The following FECH variants were observed in gnomAD, a reference collection of about 807,000 sequenced individuals.
The protein encoded by FECH is ferrochelatase, mitochondrial.
Under a neutral mutation model 56.9 loss-of-function variants are expected in FECH, and 40 were observed. The observed-to-expected ratio is 0.70, with a 90% CI of 0.55 to 0.92. The LOEUF (loss-of-function observed/expected upper bound fraction) is 0.92, where lower values mean the gene tolerates loss of function less well. Ranked by LOEUF, FECH falls within the 40% of genes least tolerant of loss-of-function variation. FECH has a pLI of 0.00. For synonymous variants in FECH, 175 were observed against 198.6 expected, an observed-to-expected ratio of 0.88 and a Z score of 1.00; for missense variants, 431 against 529.1, an observed-to-expected ratio of 0.81 and a Z score of 1.82.
intron 7 of FECH, 146 bp downstream of exon 7, chr18:57,558,999 C>A (rs1055203219): frequency 7.4e-6 from 5 of 680,260 alleles, no homozygotes; most frequent in South Asian, 1.5e-5. Context: ...AGAAGTGAGG[C>A]TAGTTAGCAC....
intron 1 of FECH, among the ~76,000 whole-genome samples, chr18:57,581,738 T>C (rs1251362022): frequency 6.6e-6 from 1 of 152,224 alleles, no homozygotes; most frequent in Non-Finnish European, 1.5e-5. Context: ...TTCTGCAGTG[T>C]CCACCATGTG....
chr18:57,568,566 A>T (rs2051049119), intron 4 of FECH, among the ~76,000 whole-genome samples: 1 of 152,148 alleles, frequency 6.6e-6, no homozygotes, highest in African/African-American at 2.4e-5. Flanking sequence ...GGATGCAGGG[A>T]TGAGAAGGAG....
Position 57,562,873 on chromosome 18 carries a change from C to G in FECH, c.705+1G>C. ...CAGGCAGCTGGCAAGCACTGGCTTA[C>G]CTGGATGAGGAGGTGATGTGTGGGC... On this transcript the variant is annotated splice_donor_variant, in intron 6 of 10. Coordinates refer to ENST00000262093, the MANE Select transcript of FECH (RefSeq NM_000140.5). LOFTEE classifies it high-confidence loss of function. The G allele has an allele frequency of 6.2e-7, 1 of 1,613,492 alleles. No homozygotes were observed. Among genetic ancestry groups the G allele is most frequent in the Non-Finnish European group, 8.5e-7 (1 of 1,179,574 alleles).
chr18:57,551,211 C>T (rs1415728599), intron 10 of FECH, 104 bp downstream of exon 10: 2 of 857,208 alleles, frequency 2.3e-6, no homozygotes, highest in Non-Finnish European at 1.9e-6. Context: ...TTAATTGGAA[C>T]TCCAAATGTT....
intron 1 of FECH, among the ~76,000 whole-genome samples, chr18:57,584,498 T>A (rs2051336538): frequency 6.6e-6 from 1 of 152,054 alleles, no homozygotes; most frequent in Non-Finnish European, 1.5e-5. Context: ...AGTTCTTAAG[T>A]ATCAACTGGT....
rs1299249998 is a variant in FECH, at chr18:57,548,700, T to C, written c.*2012A>G. The C allele has an allele frequency of 2.0e-5, 3 of 152,250 alleles. No homozygotes were observed. Among genetic ancestry groups the C allele is most frequent in the Admixed American group, 2.0e-4 (3 of 15,286 alleles). 9.4% of individuals were successfully genotyped at this position (152,250 alleles called of 1,614,324 possible). On this transcript the variant is annotated 3_prime_UTR_variant, in exon 11 of 11. Transcript: ENST00000262093. ...ACACTTCTTACAGCAACAAATGCCA[T>C]GAGCAGTGATCTCAATAAATTCCTC...
intron 4 of FECH, 69 bp downstream of exon 4, chr18:57,571,323 A>G (rs376784714): frequency 2.0e-5 from 30 of 1,517,570 alleles, no homozygotes; most frequent in East Asian, 6.8e-5. Context: ...AGCATCTACT[A>G]CTCTTTTGAA....
At chr18:57,563,677 GA>G (rs139503335) in intron 5 of FECH, among the ~76,000 whole-genome samples, 5,937 of 150,894 alleles carry the variant, frequency 0.039, 388 homozygotes, top group African/African-American at 0.14. Context: ...GGGAAGAAAG[GA>G]AAAAAGAAAC....
rs189283255 is a variant in FECH at position 57,551,506 on chromosome 18, C to T, written c.1078-132G>A. ...AATTCAAAGTCTGACTTCAACTGTT[C>T]GCAGACTGCTCATTAATGAAAAATA... On this transcript the variant is annotated intron_variant, in intron 9 of 10. Transcript: ENST00000262093. 3.6e-4 allele frequency: 258 copies of T among 714,606 alleles called. 1 individual carries two copies. Among genetic ancestry groups the T allele is most frequent in the Middle Eastern group, 2.2e-3 (6 of 2,672 alleles). 44.3% of individuals were successfully genotyped at this position (714,606 alleles called of 1,614,324 possible). A position where few individuals can be genotyped will look rare whatever the true frequency, so the allele number is the denominator to read the frequency against.
rs1009100160 is a variant in FECH, at chr18:57,548,327, T to G, written c.*2385A>C. On this transcript the variant is annotated 3_prime_UTR_variant, in exon 11 of 11. Transcript: ENST00000262093. ...AGCAAATTTTGAGTGCAAAAATTTA[T>G]TGTGATTTTTAAAAAGTTAAGTAGT... 1 of 151,994 alleles carries G rather than the reference T, an allele frequency of 6.6e-6. No homozygotes were observed. 9.4% of individuals were successfully genotyped at this position (151,994 alleles called of 1,614,324 possible).
chr18:57,573,475 C>T, intron 2 of FECH, 110 bp from the exon 3 acceptor site: 1 of 1,315,336 alleles, frequency 7.6e-7, no homozygotes, highest in South Asian at 1.2e-5. Context: ...AAGGTAAATA[C>T]TATGGCTCTT....
At chr18:57,556,716 G>GACTT (rs1255392732) in intron 7 of FECH, among the ~76,000 whole-genome samples, 2 of 151,936 alleles carry the variant, frequency 1.3e-5, no homozygotes, top group African/African-American at 4.8e-5. Context: ...GTCGAGACCA[G>GACTT]ACTGGGCAAC....
At chr18:57,556,820 A>C (rs932153841) in intron 7 of FECH, among the ~76,000 whole-genome samples, 1 of 147,980 alleles carries the variant, frequency 6.8e-6, no homozygotes, top group South Asian at 2.2e-4. Flanking sequence ...CTGAGGTGAG[A>C]GGCTCACCCA....
chr18:57,575,315 C>T (rs1480929324), intron 2 of FECH, among the ~76,000 whole-genome samples: 1 of 152,212 alleles, frequency 6.6e-6, no homozygotes, highest in Non-Finnish European at 1.5e-5. Context: ...GGGTCTACTT[C>T]CTGAATCTCC....
At chr18:57,556,803 C>A (rs1001860381) in intron 7 of FECH, among the ~76,000 whole-genome samples, 1 of 149,388 alleles carries the variant, frequency 6.7e-6, no homozygotes, top group Non-Finnish European at 1.5e-5. Flanking sequence ...CCCAGTCACT[C>A]GGGAGGCTGA....
At position 57,544,981 on chromosome 18, in the gene FECH, CT is replaced by C. The variant is rs1028179606; in HGVS notation, c.*5730del. On this transcript the variant is annotated 3_prime_UTR_variant, in exon 11 of 11. Transcript: ENST00000262093. The stretch of plus-strand genomic sequence containing the variant: ...CAATCAATTCCATGCCATATATACA[CT>C]TTTTTTCAGATAAGGAAAAGGTAAA... Among the ~76,000 whole-genome samples, 3 of 152,180 alleles carry C rather than the reference CT, an allele frequency of 2.0e-5. No individual in the cohort carries two copies. Among genetic ancestry groups the C allele is most frequent in the Non-Finnish European group, 4.4e-5 (3 of 68,032 alleles).
chr18:57,571,623 A>G, intron 3 of FECH, 83 bp from the exon 4 acceptor site: 8 of 1,608,096 alleles, frequency 5.0e-6, no homozygotes, highest in Non-Finnish European at 6.8e-6. Context: ...AAAAAAGAAA[A>G]AAAGCAAAAT....
chr18:57,570,816 C>T (rs191471025), intron 4 of FECH, among the ~76,000 whole-genome samples: 7 of 152,286 alleles, frequency 4.6e-5, no homozygotes, highest in Admixed American at 3.9e-4. Context: ...TCATTCTGCA[C>T]ACTATTATTC....
At chr18:57,554,823 C>T (rs373310857) in intron 8 of FECH, 22 bp downstream of exon 8, 228 of 1,591,014 alleles carry the variant, frequency 1.4e-4, no homozygotes, top group Non-Finnish European at 1.9e-4. Context: ...GCTGGCCGCC[C>T]GCCAGTGTGG....
Sources: gnomAD v4.1 joint callset for allele counts (sites outside exome capture counted in the v4.1 genomes callset) on GRCh38, gnomAD v4.1.1 for gene constraint, MANE v1.5 for transcripts, NCBI Gene and HGNC (gene_info 2026-07-23, HGNC 2026-07-21) for gene names.